The following HECW1 variants were observed in gnomAD, a reference collection of about 807,000 sequenced individuals.
The protein encoded by HECW1 is HECT, C2 and WW domain containing E3 ubiquitin protein ligase 1.
In HECW1, 61 loss-of-function variants were observed where a neutral mutation model predicts 182.3. The observed-to-expected ratio is 0.33, with a 90% confidence interval of 0.27 to 0.41. The LOEUF (loss-of-function observed/expected upper bound fraction) is 0.41. Ranked by LOEUF, HECW1 falls within the 10% of genes least tolerant of loss-of-function variation. The pLI is 1.00. For synonymous variants in HECW1, 859 were observed against 832.6 expected (o/e 1.03, Z -0.55); for missense variants, 1,739 against 2,108.9 (o/e 0.82, Z 3.44).
chr7:43,123,795 C>A (rs115296817), intron 2 of HECW1, among the ~76,000 whole-genome samples: 3 of 152,138 alleles, frequency 2.0e-5, no homozygotes, highest in African/African-American at 7.2e-5. Context: ...CCCTTCCAAC[C>A]GGGTGGGCTG....
chr7:43,489,882 T>G (rs925771253), intron 17 of HECW1, among the ~76,000 whole-genome samples: 1 of 152,232 alleles, frequency 6.6e-6, no homozygotes, highest in Non-Finnish European at 1.5e-5. Flanking sequence ...TAAGTGGCCG[T>G]TTGGAACTGA....
chr7:43,305,606 G>A (rs1487063322), intron 3 of HECW1, among the ~76,000 whole-genome samples: 1 of 151,846 alleles, frequency 6.6e-6, no homozygotes, highest in Non-Finnish European at 1.5e-5. Context: ...TGTTGTTGTT[G>A]TTGTTGTTTG....
rs1330703599 is a variant in HECW1, at chr7:43,479,757, A to G, written c.3234+13A>G. The G allele has an allele frequency of 6.2e-7, 1 of 1,613,550 alleles. No individual in the cohort carries two copies. Among genetic ancestry groups the G allele is most frequent in the Admixed American group, 1.7e-5 (1 of 59,986 alleles). The stretch of plus-strand genomic sequence containing the variant: ...CAGCGCTGGAGAGGTAACCCTCCCT[A>G]CACCCCGCCCTACTGTTCACCGGTC... On this transcript the variant is annotated intron_variant, in intron 17 of 29. Coordinates refer to ENST00000395891, the MANE Select transcript of HECW1 (RefSeq NM_015052.5).
intron 29 of HECW1, among the ~76,000 whole-genome samples, chr7:43,559,349 G>A (rs1231021190): frequency 6.6e-6 from 1 of 152,182 alleles, no homozygotes; most frequent in African/African-American, 2.4e-5. Flanking sequence ...TGAGAAGAGA[G>A]TGAGTCACCT....
chr7:43,128,022 G>T (rs903090621), intron 2 of HECW1, among the ~76,000 whole-genome samples: 4 of 151,950 alleles, frequency 2.6e-5, no homozygotes, highest in Non-Finnish European at 4.4e-5. Context: ...GGAACAACAG[G>T]TGCGCACCAC....
At chr7:43,313,953 GTTTGGT>G (rs565411613) in intron 4 of HECW1, among the ~76,000 whole-genome samples, 25 of 152,224 alleles carry the variant, frequency 1.6e-4, no homozygotes, top group African/African-American at 5.1e-4. Context: ...GTTTGATTTG[GTTTGGT>G]TTTGGTTTTG....
At chr7:43,165,068 A>T (rs1400696654) in intron 2 of HECW1, among the ~76,000 whole-genome samples, 1 of 152,214 alleles carries the variant, frequency 6.6e-6, no homozygotes, top group African/African-American at 2.4e-5. Flanking sequence ...GCCATAAGTT[A>T]GTCTGGCTTG....
At chr7:43,297,178 G>A (rs909604831) in intron 3 of HECW1, among the ~76,000 whole-genome samples, 10 of 152,202 alleles carry the variant, frequency 6.6e-5, no homozygotes, top group African/African-American at 2.4e-4. Flanking sequence ...CTGAACAACA[G>A]CTAGCCCAGA....
chr7:43,115,564 C>T (rs1336030108), intron 2 of HECW1, among the ~76,000 whole-genome samples: 1 of 152,138 alleles, frequency 6.6e-6, no homozygotes, highest in Non-Finnish European at 1.5e-5. Flanking sequence ...TGGTGTTGCT[C>T]TCAAAACTTG....
chr7:43,470,236 G>A (rs1476848812), intron 16 of HECW1, among the ~76,000 whole-genome samples: 1 of 152,190 alleles, frequency 6.6e-6, no homozygotes, highest in African/African-American at 2.4e-5. Context: ...ATGTATTAGG[G>A]TGGGAAAATG....
chr7:43,450,257 AC>A (rs1045246613), intron 11 of HECW1, among the ~76,000 whole-genome samples: 2 of 150,918 alleles, frequency 1.3e-5, no homozygotes, highest in African/African-American at 4.9e-5. Context: ...CAACCCCCCA[AC>A]CTCCAGCTTT....
At chr7:43,316,269 A>T (rs1809232065) in intron 4 of HECW1, among the ~76,000 whole-genome samples, 1 of 152,304 alleles carries the variant, frequency 6.6e-6, no homozygotes, top group Admixed American at 6.5e-5. Flanking sequence ...TTTCCTGAGG[A>T]ACTTTTCTGT....
chr7:43,434,529 G>A (rs2152868618), intron 8 of HECW1, among the ~76,000 whole-genome samples: 1 of 152,346 alleles, frequency 6.6e-6, no homozygotes, highest in Admixed American at 6.5e-5. Flanking sequence ...AGTCAGGGTA[G>A]CCAGGTGAAA....
chr7:43,122,356 A>C (rs1327899023), intron 2 of HECW1, among the ~76,000 whole-genome samples: 1 of 152,152 alleles, frequency 6.6e-6, no homozygotes, highest in Admixed American at 6.5e-5. Context: ...CACTAGTGTT[A>C]CTTTCTTACC....
intron 2 of HECW1, chr7:43,148,590 T>C (rs1788961285): frequency 6.6e-6 from 1 of 151,850 alleles, no homozygotes; most frequent in Non-Finnish European, 1.5e-5. Context: ...CAGTGTTGGA[T>C]ACTTAAATTT....
chr7:43,431,813 C>G (rs536636793), intron 8 of HECW1, among the ~76,000 whole-genome samples: 2 of 152,148 alleles, frequency 1.3e-5, no homozygotes, highest in Non-Finnish European at 2.9e-5. Context: ...TGAACTTCAG[C>G]CCCTGCCCAT....
At chr7:43,421,976 GTCTCTTTAATA>G (rs1313357647) in intron 8 of HECW1, among the ~76,000 whole-genome samples, 4 of 152,112 alleles carry the variant, frequency 2.6e-5, no homozygotes, top group African/African-American at 9.7e-5. Flanking sequence ...TTGTCTTCTG[GTCTCTTTAATA>G]TCCCTTTGCT....
intron 7 of HECW1, among the ~76,000 whole-genome samples, chr7:43,400,915 G>A (rs1020478946): frequency 1.1e-4 from 17 of 152,176 alleles, no homozygotes; most frequent in African/African-American, 3.9e-4. Flanking sequence ...GAGGCTGCCA[G>A]CATTCTTTGG....
chr7:43,387,680 T>A (rs1344539927), intron 6 of HECW1, among the ~76,000 whole-genome samples: 4 of 152,228 alleles, frequency 2.6e-5, no homozygotes. Context: ...TTATAACTCT[T>A]CTAAGCTGGA....
Sources: allele counts gnomAD v4.1 joint callset (sites outside exome capture counted in the v4.1 genomes callset), GRCh38; gene constraint gnomAD v4.1.1; transcripts MANE v1.5; gene names NCBI Gene and HGNC (gene_info 2026-07-23, HGNC 2026-07-21).